Variants in SH3RF3 observed in about 807,000 individuals in gnomAD.
SH3RF3 encodes the protein E3 ubiquitin-protein ligase SH3RF3.
SH3RF3 carries 29 observed loss-of-function variants against 66.3 expected under a neutral mutation model. That is an observed-to-expected ratio of 0.44 (90% CI 0.33 to 0.60). The LOEUF is 0.60. SH3RF3 is among the 20% of genes least tolerant of loss of function. The probability of loss-of-function intolerance (pLI) is 0.04; values close to 1 mark genes in which losing one functional copy is unlikely to be tolerated. For synonymous variants in SH3RF3, 583 were observed against 532.0 expected (o/e 1.10, Z -1.32); for missense variants, 1,194 against 1,190.9 (o/e 1.00, Z -0.04).
chr2:109,214,831 T>C (rs1679071822), intron 1 of SH3RF3, among the ~76,000 whole-genome samples: 1 of 152,206 alleles, frequency 6.6e-6, no homozygotes, highest in South Asian at 2.1e-4. Flanking sequence ...TATTGGAGAC[T>C]GAGTTCCAAG....
chr2:109,246,889 T>C (rs189997758), intron 1 of SH3RF3, among the ~76,000 whole-genome samples: 84 of 152,302 alleles, frequency 5.5e-4, no homozygotes, highest in Non-Finnish European at 1.1e-3. Context: ...ACAGGTTTGA[T>C]GCTAGGACCC....
chr2:109,130,384 T>C lies in SH3RF3; in HGVS notation c.573+271T>C, dbSNP rs1432276589. The stretch of plus-strand genomic sequence containing the variant: ...ACCCCCGATTCCTTGGCCGGACTTG[T>C]TACCCTGCCTCTTAAACTTAGCATC... On this transcript the variant is annotated intron_variant, in intron 1 of 9. Transcript: ENST00000309415. Among the ~76,000 whole-genome samples the C allele has an allele frequency of 2.0e-5, 3 of 152,330 alleles. No homozygotes were observed. In the East Asian group the frequency reaches 5.8e-4, roughly 29 times the overall value.
chr2:109,273,832 C>G (rs1350098653), intron 1 of SH3RF3, among the ~76,000 whole-genome samples: 1 of 152,080 alleles, frequency 6.6e-6, no homozygotes, highest in Non-Finnish European at 1.5e-5. Context: ...AGCATACATG[C>G]TGATTGCTTA....
chr2:109,447,128 A>G (rs1156599431), intron 7 of SH3RF3, among the ~76,000 whole-genome samples: 3 of 148,258 alleles, frequency 2.0e-5, no homozygotes, highest in African/African-American at 5.1e-5. Context: ...TTTCCAACCC[A>G]GCTGAAGCCC....
intron 2 of SH3RF3, among the ~76,000 whole-genome samples, chr2:109,360,264 C>A (rs1028565195): frequency 6.6e-6 from 1 of 152,002 alleles, no homozygotes; most frequent in Non-Finnish European, 1.5e-5. Context: ...TTTTTTACTG[C>A]TAAATACTTA....
chr2:109,474,412 G>A (rs140099199), intron 8 of SH3RF3, among the ~76,000 whole-genome samples: 2 of 152,198 alleles, frequency 1.3e-5, no homozygotes, highest in African/African-American at 4.8e-5. Flanking sequence ...TAACAGAGAA[G>A]GAGGGGCTGT....
chr2:109,219,619 TA>T (rs1679180270), intron 1 of SH3RF3, among the ~76,000 whole-genome samples: 1 of 152,204 alleles, frequency 6.6e-6, no homozygotes, highest in African/African-American at 2.4e-5. Context: ...AATATAAAAT[TA>T]AAGCTCACAG....
At chr2:109,407,479 C>T (rs1676479648) in intron 4 of SH3RF3, among the ~76,000 whole-genome samples, 1 of 152,104 alleles carries the variant, frequency 6.6e-6, no homozygotes, top group African/African-American at 2.4e-5. Flanking sequence ...ACAGGACAGA[C>T]AGACAGATGC....
chr2:109,443,133 T>C (rs1677614906), intron 7 of SH3RF3, among the ~76,000 whole-genome samples: 1 of 152,284 alleles, frequency 6.6e-6, no homozygotes, highest in Non-Finnish European at 1.5e-5. Flanking sequence ...GTGTGTGGCA[T>C]GCGTGCATGG....
intron 1 of SH3RF3, among the ~76,000 whole-genome samples, chr2:109,318,243 T>C (rs943583371): frequency 2.0e-5 from 3 of 151,988 alleles, no homozygotes; most frequent in African/African-American, 7.2e-5. Context: ...GAAGAATCAC[T>C]TTGAAATTTG....
intron 1 of SH3RF3, among the ~76,000 whole-genome samples, chr2:109,167,203 TA>T (rs1439722181): frequency 6.6e-6 from 1 of 152,236 alleles, no homozygotes; most frequent in African/African-American, 2.4e-5. Flanking sequence ...GCCATATTTT[TA>T]AAAAGGATGA....
chr2:109,406,550 A>AC (rs1676458057), intron 4 of SH3RF3, among the ~76,000 whole-genome samples: 1 of 152,068 alleles, frequency 6.6e-6, no homozygotes, highest in Non-Finnish European at 1.5e-5. Context: ...ACACCAACAA[A>AC]CACCAGGCTG....
rs114532078 is a variant in SH3RF3 at position 109,251,514 on chromosome 2, G to A, written c.574-96160G>A. The A allele has an allele frequency of 2.5e-3, 1,838 of 743,484 alleles. 26 individuals carry two copies. In the African/African-American group the frequency reaches 0.028, roughly 11 times the overall value. 46.1% of individuals were successfully genotyped at this position (743,484 alleles called of 1,614,324 possible). ...GTGGCAGACATGTCCAAGGAATATTGTGGTCATTTGGTCCCTTTATGAATC... is the reference window on the plus strand; with the variant it reads ...GTGGCAGACATGTCCAAGGAATATTATGGTCATTTGGTCCCTTTATGAATC... On this transcript the variant is annotated intron_variant, in intron 1 of 9. Transcript: ENST00000309415.
intron 8 of SH3RF3, among the ~76,000 whole-genome samples, chr2:109,478,194 TG>T (rs999180889): frequency 6.6e-6 from 1 of 152,260 alleles, no homozygotes; most frequent in Non-Finnish European, 1.5e-5. Context: ...CTAACGGCCT[TG>T]TTAAGTTTCA....
At chr2:109,143,640 G>C (rs947606200) in intron 1 of SH3RF3, among the ~76,000 whole-genome samples, 1 of 152,094 alleles carries the variant, frequency 6.6e-6, no homozygotes, top group Non-Finnish European at 1.5e-5. Context: ...TGTAGTCCTA[G>C]ATACATAAGA....
intron 1 of SH3RF3, among the ~76,000 whole-genome samples, chr2:109,325,221 T>C (rs1347970563): frequency 6.6e-6 from 1 of 151,748 alleles, no homozygotes; most frequent in Non-Finnish European, 1.5e-5. Context: ...CCAGCTGGCA[T>C]GGCTGGAGTC....
chr2:109,329,616 C>T (rs951629341), intron 1 of SH3RF3, among the ~76,000 whole-genome samples: 5 of 152,218 alleles, frequency 3.3e-5, no homozygotes, highest in African/African-American at 1.2e-4. Context: ...TGACAGGCCT[C>T]CCTCAAGGGA....
At chr2:109,281,371 G>A (rs1045716994) in intron 1 of SH3RF3, among the ~76,000 whole-genome samples, 1 of 152,204 alleles carries the variant, frequency 6.6e-6, no homozygotes, top group Non-Finnish European at 1.5e-5. Flanking sequence ...GACTTGGAAA[G>A]TGAGGAGAGG....
intron 1 of SH3RF3, among the ~76,000 whole-genome samples, chr2:109,346,371 G>C (rs1184857146): frequency 6.6e-6 from 1 of 152,158 alleles, no homozygotes; most frequent in Non-Finnish European, 1.5e-5. Flanking sequence ...AGAGTTTTTC[G>C]ATGTACTACT....
Sources: allele counts gnomAD v4.1 joint callset (sites outside exome capture counted in the v4.1 genomes callset), GRCh38; gene constraint gnomAD v4.1.1; transcripts MANE v1.5; gene names NCBI Gene and HGNC (gene_info 2026-07-23, HGNC 2026-07-21).